Variants in L3MBTL4 observed in about 807,000 individuals in gnomAD.
The protein encoded by L3MBTL4 is L3MBTL histone methyl-lysine binding protein 4.
Under a neutral mutation model 84.5 loss-of-function variants are expected in L3MBTL4, and 70 were observed. That is an observed-to-expected ratio of 0.83 (90% CI 0.68 to 1.01). The LOEUF (loss-of-function observed/expected upper bound fraction) is 1.01, where lower values mean the gene tolerates loss of function less well. Ranked by LOEUF, L3MBTL4 falls within the 50% of genes least tolerant of loss-of-function variation. L3MBTL4 has a pLI of 0.00. For synonymous variants in L3MBTL4, 274 were observed against 259.8 expected, an observed-to-expected ratio of 1.05 and a Z score of -0.52; for missense variants, 715 against 754.8, an observed-to-expected ratio of 0.95 and a Z score of 0.62.
At chr18:6,063,686 A>G (rs1259019136) in intron 16 of L3MBTL4, among the ~76,000 whole-genome samples, 1 of 151,646 alleles carries the variant, frequency 6.6e-6, no homozygotes, top group Non-Finnish European at 1.5e-5. Flanking sequence ...TCCTTTGCCC[A>G]CTTTTTGATG....
chr18:6,375,905 T>C (rs1471460552), intron 1 of L3MBTL4, among the ~76,000 whole-genome samples: 9 of 152,198 alleles, frequency 5.9e-5, no homozygotes, highest in Non-Finnish European at 1.2e-4. Context: ...GCGAGGGCAC[T>C]AGTTTAGGTT....
intron 1 of L3MBTL4, among the ~76,000 whole-genome samples, chr18:6,333,407 T>C (rs1398907323): frequency 1.3e-5 from 2 of 152,094 alleles, no homozygotes; most frequent in Non-Finnish European, 2.9e-5. Flanking sequence ...ACCCCATCTC[T>C]ACTAACAATA....
intron 16 of L3MBTL4, among the ~76,000 whole-genome samples, chr18:5,997,332 G>C (rs1207311940): frequency 7.0e-6 from 1 of 142,428 alleles, no homozygotes; most frequent in East Asian, 1.9e-4. Context: ...AGATTCAAAA[G>C]CTACACACCT....
At chr18:6,175,289 C>T (rs1447474632) in intron 12 of L3MBTL4, among the ~76,000 whole-genome samples, 2 of 152,054 alleles carry the variant, frequency 1.3e-5, no homozygotes, top group Admixed American at 1.3e-4. Flanking sequence ...CTTTAAAACG[C>T]TAACAGGAAA....
intron 13 of L3MBTL4, among the ~76,000 whole-genome samples, chr18:6,151,999 T>C (rs999332770): frequency 2.0e-5 from 3 of 152,214 alleles, no homozygotes; most frequent in African/African-American, 7.2e-5. Flanking sequence ...TTTATGTGCA[T>C]GGCTTATTTC....
At chr18:6,062,095 C>T (rs2057241418) in intron 16 of L3MBTL4, among the ~76,000 whole-genome samples, 1 of 151,906 alleles carries the variant, frequency 6.6e-6, no homozygotes, top group Non-Finnish European at 1.5e-5. Flanking sequence ...TTAAGTAGTT[C>T]CGGGTTTCTG....
At chr18:6,339,802 T>A (rs1044455489) in intron 1 of L3MBTL4, among the ~76,000 whole-genome samples, 2 of 152,106 alleles carry the variant, frequency 1.3e-5, no homozygotes, top group African/African-American at 4.8e-5. Context: ...AAAAACATCA[T>A]AAACAACTTC....
At chr18:6,395,557 G>A (rs2055237025) in intron 1 of L3MBTL4, 1 of 152,118 alleles carries the variant, frequency 6.6e-6, no homozygotes, top group Non-Finnish European at 1.5e-5. Flanking sequence ...CCAACTTACT[G>A]TTCTCGGTCC....
At chr18:6,309,597 C>T (rs768363522) in intron 3 of L3MBTL4, among the ~76,000 whole-genome samples, 3 of 152,184 alleles carry the variant, frequency 2.0e-5, no homozygotes, top group Non-Finnish European at 4.4e-5. Flanking sequence ...GTGTTAAGCA[C>T]TTCTGGAGTC....
intron 14 of L3MBTL4, among the ~76,000 whole-genome samples, chr18:6,125,501 T>C (rs2059663527): frequency 6.6e-6 from 1 of 152,162 alleles, no homozygotes; most frequent in Non-Finnish European, 1.5e-5. Context: ...TGATCTTGGC[T>C]CACTGCAGCG....
At chr18:5,956,861 T>C (rs184546649) in intron 18 of L3MBTL4, among the ~76,000 whole-genome samples, 130 of 152,314 alleles carry the variant, frequency 8.5e-4, no homozygotes, top group Admixed American at 2.7e-3. Flanking sequence ...AGTGGGCTAC[T>C]ATGCAGTCAC....
At chr18:5,988,977 G>A (rs963676516) in intron 16 of L3MBTL4, among the ~76,000 whole-genome samples, 2 of 152,166 alleles carry the variant, frequency 1.3e-5, no homozygotes, top group Non-Finnish European at 2.9e-5. Flanking sequence ...ACTAGAAAGA[G>A]ACAAACTCCA....
In L3MBTL4 at chr18:6,185,858, T is replaced by C. The variant is rs527625706; in HGVS notation, c.982-13916A>G. 2.0e-5 allele frequency among the ~76,000 whole-genome samples: 3 copies of C among 152,222 alleles called. No homozygotes were observed. In the South Asian group the frequency reaches 6.2e-4, roughly 32 times the overall value. ...CAAATAGACATGTGAGAAATGACTA[T>C]GCCAAGTTCAGCAAGGCAGCCACTG... On this transcript the variant is annotated intron_variant, in intron 12 of 18. Transcript: ENST00000317931.
intron 4 of L3MBTL4, among the ~76,000 whole-genome samples, chr18:6,279,417 C>T (rs1820134168): frequency 6.6e-6 from 1 of 152,036 alleles, no homozygotes; most frequent in South Asian, 2.1e-4. Context: ...GGGATGAAGA[C>T]AAGAAGAAAC....
At chr18:6,001,884 C>T (rs1176488514) in intron 16 of L3MBTL4, among the ~76,000 whole-genome samples, 1 of 152,072 alleles carries the variant, frequency 6.6e-6, no homozygotes, top group Admixed American at 6.6e-5. Flanking sequence ...TTTGGAGAAA[C>T]AATGGCTAAA....
chr18:6,065,640 A>G (rs905837420), intron 16 of L3MBTL4, among the ~76,000 whole-genome samples: 4 of 152,034 alleles, frequency 2.6e-5, no homozygotes, highest in African/African-American at 9.7e-5. Flanking sequence ...TGTGCATAAA[A>G]GTGTTCATAG....
At chr18:6,096,085 A>G (rs1445044371) in intron 14 of L3MBTL4, among the ~76,000 whole-genome samples, 1 of 151,410 alleles carries the variant, frequency 6.6e-6, no homozygotes, top group African/African-American at 2.4e-5. Context: ...TTTTTTTGTA[A>G]TTTCGTGTCA....
At chr18:6,285,995 C>A (rs2049564425) in intron 4 of L3MBTL4, among the ~76,000 whole-genome samples, 1 of 151,494 alleles carries the variant, frequency 6.6e-6, no homozygotes, top group Non-Finnish European at 1.5e-5. Context: ...CCACGCCCAG[C>A]TAATTTTTGT....
At position 6,399,102 on chromosome 18, in the gene L3MBTL4, A is replaced by T. The variant is rs537167322; in HGVS notation, c.-91+15699T>A. On this transcript the variant is annotated intron_variant, in intron 1 of 18. Transcript: ENST00000317931. ...TCTGGCTAGAACTAAATAAGGCCAC[A>T]TGAAACCTCTTTATATTTTAATTAC... Among the ~76,000 whole-genome samples, 130 of 152,336 alleles carry T rather than the reference A, an allele frequency of 8.5e-4. 1 individual carries two copies. The highest frequency in any genetic ancestry group is 1.4e-3 in the Non-Finnish European group (97 of 68,032).
Sources: allele counts gnomAD v4.1 joint callset (sites outside exome capture counted in the v4.1 genomes callset), GRCh38; gene constraint gnomAD v4.1.1; transcripts MANE v1.5; gene names NCBI Gene and HGNC (gene_info 2026-07-23, HGNC 2026-07-21).